Variants in DDX60 observed in about 807,000 individuals in gnomAD.
DDX60 encodes the protein probable ATP-dependent RNA helicase DDX60.
DDX60 carries 165 observed loss-of-function variants against 212.8 expected under a neutral mutation model. That is an observed-to-expected ratio of 0.78 (90% confidence interval 0.68 to 0.88). The LOEUF is 0.88. Among genes scored for constraint, DDX60 ranks in the 40% least tolerant of loss-of-function variants. DDX60 has a pLI of 0.00. For synonymous variants in DDX60, 703 were observed against 685.3 expected, an observed-to-expected ratio of 1.03 and a Z score of -0.40; for missense variants, 1,905 against 2,003.9, an observed-to-expected ratio of 0.95 and a Z score of 0.94.
At chr4:168,275,644 T>C (rs1159338505) in intron 15 of DDX60, 141 bp from the exon 16 acceptor site, 2 of 716,962 alleles carry the variant, frequency 2.8e-6, no homozygotes, top group African/African-American at 1.8e-5. Flanking sequence ...AATCATTGTC[T>C]TAACTAGGTA....
At chr4:168,217,155 A>G in intron 37 of DDX60, 123 bp from the exon 38 acceptor site, 1 of 597,712 alleles carries the variant, frequency 1.7e-6, no homozygotes, top group Middle Eastern at 2.8e-4. Context: ...TTAGCAAAAT[A>G]TGAGGAATAA....
At chr4:168,245,395 T>C (rs1733986660) in intron 30 of DDX60, among the ~76,000 whole-genome samples, 1 of 152,214 alleles carries the variant, frequency 6.6e-6, no homozygotes, top group Admixed American at 6.5e-5. Flanking sequence ...AAGAATGTTA[T>C]GCCCACTTTT....
At chr4:168,227,210 GTTTTT>G (rs61106831) in intron 33 of DDX60, among the ~76,000 whole-genome samples, 8 of 145,380 alleles carry the variant, frequency 5.5e-5, no homozygotes, top group African/African-American at 1.8e-4. Context: ...TTGTGGGAAT[GTTTTT>G]TTTTTTTTAA....
intron 33 of DDX60, among the ~76,000 whole-genome samples, chr4:168,234,386 A>AT (rs1560816384): frequency 2.0e-5 from 3 of 151,266 alleles, no homozygotes; most frequent in Admixed American, 6.6e-5. Flanking sequence ...ACGCTGTCTG[A>AT]TTTTTTAATT....
At chr4:168,250,824 C>T (rs1734194966) in intron 28 of DDX60, 130 bp downstream of exon 28, 4 of 780,040 alleles carry the variant, frequency 5.1e-6, no homozygotes, top group East Asian at 5.5e-5. Flanking sequence ...CACGCCCGGC[C>T]AACTTATTTT....
intron 30 of DDX60, among the ~76,000 whole-genome samples, chr4:168,238,357 G>A (rs1325889276): frequency 7.0e-6 from 1 of 141,914 alleles, no homozygotes; most frequent in Non-Finnish European, 1.5e-5. Context: ...AATGGACTAG[G>A]AGGAGGAAGG....
At position 168,268,965 on chromosome 4, in the gene DDX60, T is replaced by C. The variant is rs1459378569; in HGVS notation, c.2675A>G (p.His892Arg). The change falls in exon 20 of 38, where the codon CAT becomes CGT. Residue 892 changes from histidine to arginine, a missense_variant. By Grantham distance (29) the His-to-Arg change is conservative. Coordinates refer to ENST00000393743, the MANE Select transcript of DDX60 (RefSeq NM_017631.6). ...KIRYVIFDEV[H>R]CLGGEIGAEI... ...TGCTCCAATTTCTCCACCAAGACAA[T>C]GAACCTATTAAACAAAAAAAAAAAA... 2 of 1,514,126 alleles carry C rather than the reference T, an allele frequency of 1.3e-6. No homozygotes were observed. The highest frequency in any genetic ancestry group is 3.2e-5 in the African/African-American group (2 of 61,718). 93.8% of individuals were successfully genotyped at this position (1,514,126 alleles called of 1,614,324 possible). A position where few individuals can be genotyped will look rare whatever the true frequency, so the allele number is the denominator to read the frequency against.
At chr4:168,221,645 G>T in intron 36 of DDX60, 85 bp downstream of exon 36, 1 of 1,421,332 alleles carries the variant, frequency 7.0e-7, no homozygotes, top group Non-Finnish European at 9.5e-7. Flanking sequence ...CTGTAATGAG[G>T]TTTCTTCCTT....
At chr4:168,284,061 A>G (rs1735711698) in intron 12 of DDX60, among the ~76,000 whole-genome samples, 1 of 152,182 alleles carries the variant, frequency 6.6e-6, no homozygotes, top group Non-Finnish European at 1.5e-5. Context: ...AGATGCCCCC[A>G]AAGTCAAGAT....
At chr4:168,256,242 GCAGAA>G (rs1326444236) in intron 25 of DDX60, among the ~76,000 whole-genome samples, 88 of 151,904 alleles carry the variant, frequency 5.8e-4, no homozygotes, top group African/African-American at 2.0e-3. Flanking sequence ...CCATTTATAT[GCAGAA>G]GACAGATAGC....
At chr4:168,292,627 T>C (rs149830872) in intron 7 of DDX60, among the ~76,000 whole-genome samples, 2,662 of 152,174 alleles carry the variant, frequency 0.017, 37 homozygotes, top group Middle Eastern at 0.044. Context: ...ATATTGAAAA[T>C]TACCAGGGCG....
intron 22 of DDX60, among the ~76,000 whole-genome samples, chr4:168,267,312 A>G (rs1044821833): frequency 2.0e-5 from 3 of 152,194 alleles, no homozygotes; most frequent in African/African-American, 7.2e-5. Context: ...ATTGCCAAAG[A>G]AAACATCCGA....
At chr4:168,259,578 A>G (rs937605189) in intron 25 of DDX60, among the ~76,000 whole-genome samples, 1 of 151,806 alleles carries the variant, frequency 6.6e-6, no homozygotes, top group Non-Finnish European at 1.5e-5. Context: ...TCCACCTAAC[A>G]AAGACTCTGG....
intron 14 of DDX60, 31 bp from the exon 15 acceptor site, chr4:168,276,212 T>A: frequency 6.6e-7 from 1 of 1,525,490 alleles, no homozygotes; most frequent in Non-Finnish European, 9.0e-7. Context: ...AAAATTGTTA[T>A]AAAGACCATC....
intron 30 of DDX60, among the ~76,000 whole-genome samples, chr4:168,239,375 AAGATAGATAGATAGATAGAT>A (rs60160375): frequency 5.4e-5 from 8 of 148,770 alleles, no homozygotes; most frequent in Non-Finnish European, 1.2e-4. Flanking sequence ...TGATAGAAGG[AAGATAGATAGATAGATAGAT>A]AGATAGATAG....
chr4:168,302,843 AC>A (rs944647900), intron 5 of DDX60, among the ~76,000 whole-genome samples: 7 of 151,934 alleles, frequency 4.6e-5, no homozygotes, highest in Admixed American at 1.3e-4. Flanking sequence ...AGATAGCATA[AC>A]CCCCCTTTCA....
intron 13 of DDX60, among the ~76,000 whole-genome samples, chr4:168,281,147 T>C (rs933684166): frequency 1.3e-5 from 2 of 151,882 alleles, no homozygotes; most frequent in South Asian, 4.1e-4. Context: ...CTCAGAAAAA[T>C]AAAAAAGAAG....
chr4:168,224,171 C>T (rs1733164436), intron 35 of DDX60, 72 bp downstream of exon 35: 3 of 1,539,308 alleles, frequency 1.9e-6, no homozygotes, highest in East Asian at 2.3e-5. Context: ...GAAGTTCTTT[C>T]TAAGCTGCCT....
chr4:168,272,639 C>A (rs1008438844), intron 18 of DDX60, among the ~76,000 whole-genome samples: 2 of 152,134 alleles, frequency 1.3e-5, no homozygotes, highest in Admixed American at 6.5e-5. Flanking sequence ...CACAGCAGCC[C>A]GCTGCTTATA....
Sources: gnomAD v4.1 joint callset for allele counts (sites outside exome capture counted in the v4.1 genomes callset) on GRCh38, gnomAD v4.1.1 for gene constraint, MANE v1.5 for transcripts, NCBI Gene and HGNC (gene_info 2026-07-23, HGNC 2026-07-21) for gene names.